The following DCAF6 variants were observed in gnomAD, a reference collection of about 807,000 sequenced individuals.
The protein encoded by DCAF6 is DDB1 and CUL4 associated factor 6.
DCAF6 carries 54 observed loss-of-function variants against 125.1 expected under a neutral mutation model. That is an observed-to-expected ratio of 0.43 (90% CI 0.35 to 0.54). The LOEUF is 0.54. Ranked by LOEUF, DCAF6 falls within the 20% of genes least tolerant of loss-of-function variation. The probability of loss-of-function intolerance (pLI) is 0.01; values close to 1 mark genes in which losing one functional copy is unlikely to be tolerated. For missense variants in DCAF6, 934 were observed against 1,161.7 expected (o/e 0.80, Z 2.85); for synonymous variants, 371 against 390.4 (o/e 0.95, Z 0.58).
intron 3 of DCAF6, among the ~76,000 whole-genome samples, chr1:167,970,425 G>A (rs1311203138): frequency 6.6e-6 from 1 of 152,172 alleles, no homozygotes; most frequent in African/African-American, 2.4e-5. Flanking sequence ...CCCGAGGTGG[G>A]AAGATCGCTT....
At chr1:168,064,206 T>C (rs573137069) in intron 18 of DCAF6, among the ~76,000 whole-genome samples, 15 of 152,076 alleles carry the variant, frequency 9.9e-5, no homozygotes, top group Admixed American at 8.5e-4. Flanking sequence ...ATTTTTAAGA[T>C]TGACAAGTGA....
At chr1:168,030,666 G>T (rs1686970089) in intron 12 of DCAF6, among the ~76,000 whole-genome samples, 2 of 152,232 alleles carry the variant, frequency 1.3e-5, no homozygotes, top group Non-Finnish European at 2.9e-5. Context: ...CACAGGGATT[G>T]AGGAGGAATC....
the DCAF6 span, among the ~76,000 whole-genome samples, chr1:167,890,003 C>T: frequency 3.6e-4 from 55 of 152,188 alleles, 1 homozygote; most frequent in African/African-American, 1.1e-3. Flanking sequence ...TTTCCTCAAA[C>T]AGCTTTTTTG....
intron 17 of DCAF6, among the ~76,000 whole-genome samples, chr1:168,055,681 T>A (rs1690608255): frequency 9.2e-6 from 1 of 108,572 alleles, no homozygotes. Flanking sequence ...GAGCCTAGTC[T>A]AAAAATCATA....
chr1:167,983,558 T>G (rs1679512925), intron 4 of DCAF6, among the ~76,000 whole-genome samples: 1 of 152,206 alleles, frequency 6.6e-6, no homozygotes, highest in African/African-American at 2.4e-5. Context: ...CAACTCTGCC[T>G]TAGCTTTCAC....
the DCAF6 span, chr1:167,896,615 T>C: frequency 6.2e-7 from 1 of 1,613,354 alleles, no homozygotes; most frequent in Admixed American, 1.7e-5. Context: ...ACCAGAAGGA[T>C]AATAATGCAT....
At chr1:168,003,490 G>A (rs1297724070) in intron 8 of DCAF6, among the ~76,000 whole-genome samples, 1 of 152,048 alleles carries the variant, frequency 6.6e-6, no homozygotes, top group African/African-American at 2.4e-5. Flanking sequence ...AATGCTTTAG[G>A]GAGAGGGAAA....
At chr1:167,974,223 TC>T (rs1184992252) in intron 3 of DCAF6, among the ~76,000 whole-genome samples, 1 of 152,064 alleles carries the variant, frequency 6.6e-6, no homozygotes. Context: ...TAAAAAAAAA[TC>T]AGGTCTTGTC....
chr1:168,043,175 T>C (rs2101785742), intron 14 of DCAF6, 35 bp downstream of exon 14: 2 of 1,470,850 alleles, frequency 1.4e-6, no homozygotes, highest in South Asian at 2.3e-5. Context: ...GTTATAAAAT[T>C]GCAGCATTGG....
At chr1:167,870,174 G>A in the DCAF6 span, 2 of 1,482,368 alleles carry the variant, frequency 1.3e-6, no homozygotes, top group East Asian at 4.5e-5. Context: ...ATTTACATAA[G>A]GCAAGTTATA....
the DCAF6 span, chr1:167,883,309 A>AT: frequency 9.8e-7 from 1 of 1,023,992 alleles, no homozygotes; most frequent in Admixed American, 1.8e-5. Context: ...AAGAGCTGGG[A>AT]TTACAGGCGT....
intron 4 of DCAF6, among the ~76,000 whole-genome samples, chr1:167,982,750 A>C (rs551927328): frequency 1.4e-4 from 22 of 152,174 alleles, no homozygotes; most frequent in Non-Finnish European, 3.1e-4. Context: ...AATGTCTAGA[A>C]TGGCGTTTCC....
intron 5 of DCAF6, among the ~76,000 whole-genome samples, chr1:167,987,832 CTT>C (rs1395636912): frequency 3.3e-5 from 5 of 151,878 alleles, no homozygotes; most frequent in Non-Finnish European, 7.4e-5. Context: ...AGTTGGAGAA[CTT>C]ATATTTTAAT....
chr1:167,995,585 C>T (rs1681529848), intron 7 of DCAF6, among the ~76,000 whole-genome samples: 1 of 150,336 alleles, frequency 6.7e-6, no homozygotes, highest in South Asian at 2.1e-4. Context: ...GAGGTTGAGG[C>T]AGGAGAATTG....
chr1:167,931,090 C>A (rs1158482519), upstream of DCAF6, among the ~76,000 whole-genome samples: 2 of 152,164 alleles, frequency 1.3e-5, no homozygotes, highest in African/African-American at 2.4e-5. Flanking sequence ...CACCACCATG[C>A]CCAGCTAAAT....
rs1680177738 is a variant in DCAF6 at position 167,987,482 on chromosome 1, T to A, written c.439-13T>A. ...GTTCGTATGATTATCTGCACTTTTC[T>A]TTTCATCTTCAGATTATGACTGTAC... On this transcript the variant is annotated splice_polypyrimidine_tract_variant and intron_variant, in intron 4 of 21. Transcript: ENST00000367840. The A allele has an allele frequency of 7.5e-7, 1 of 1,327,878 alleles. No homozygotes were observed. Among genetic ancestry groups the A allele is most frequent in the Non-Finnish European group, 1.1e-6 (1 of 928,716 alleles). 82.3% of individuals were successfully genotyped at this position (1,327,878 alleles called of 1,614,324 possible).
the DCAF6 span, among the ~76,000 whole-genome samples, chr1:167,889,987 T>G: frequency 1.3e-5 from 2 of 152,236 alleles, no homozygotes; most frequent in African/African-American, 4.8e-5. Context: ...CTTGAATTTC[T>G]TTGAGTTTCC....
intron 7 of DCAF6, among the ~76,000 whole-genome samples, chr1:167,994,675 A>G (rs1178248824): frequency 6.6e-6 from 1 of 152,204 alleles, no homozygotes; most frequent in Non-Finnish European, 1.5e-5. Flanking sequence ...GACAGTACAC[A>G]GCTGTAGAAA....
intron 10 of DCAF6, among the ~76,000 whole-genome samples, chr1:168,009,353 T>A (rs865812723): frequency 1.0e-5 from 1 of 96,336 alleles, no homozygotes; most frequent in East Asian, 3.2e-4. Flanking sequence ...CTCCCTTCCT[T>A]CCTTCCTTCC....
Sources: allele counts gnomAD v4.1 joint callset (sites outside exome capture counted in the v4.1 genomes callset), GRCh38; gene constraint gnomAD v4.1.1; transcripts MANE v1.5; gene names NCBI Gene and HGNC (gene_info 2026-07-23, HGNC 2026-07-21).